TPD52: variants seen among roughly 807,000 people sequenced by gnomAD.
The protein encoded by TPD52 is prostate and colon associated protein.
A neutral mutation model predicts 31.3 loss-of-function variants in TPD52; 17 were observed. The observed-to-expected ratio is 0.54, with a 90% CI of 0.37 to 0.82. TPD52 has a LOEUF of 0.82. Ranked by LOEUF, TPD52 falls within the 40% of genes least tolerant of loss-of-function variation. The pLI, the probability that TPD52 is intolerant of heterozygous loss-of-function variation, is 0.00. For synonymous variants in TPD52, 83 were observed against 89.6 expected (o/e 0.93, Z 0.42); for missense variants, 212 against 240.1 (o/e 0.88, Z 0.77).
chr8:80,119,915 A>G (rs1223330044), intron 1 of TPD52: 1 of 366,442 alleles, frequency 2.7e-6, no homozygotes, highest in Non-Finnish European at 5.3e-6. Context: ...AAATATACAC[A>G]ATTAAAATGT....
chr8:80,077,082 C>T (rs910377717), intron 1 of TPD52, among the ~76,000 whole-genome samples: 2 of 151,974 alleles, frequency 1.3e-5, no homozygotes, highest in African/African-American at 4.8e-5. Flanking sequence ...CAAGACCAGC[C>T]TCGCCAATAT....
chr8:80,131,856 A>G (rs971390880), intron 1 of TPD52, among the ~76,000 whole-genome samples: 9 of 152,158 alleles, frequency 5.9e-5, no homozygotes, highest in African/African-American at 1.9e-4. Context: ...CAGATTTTCT[A>G]TGAAGACGCA....
At chr8:80,080,331 A>C in intron 1 of TPD52, 1 of 1,614,142 alleles carries the variant, frequency 6.2e-7, no homozygotes, top group Non-Finnish European at 8.5e-7. Context: ...TCTGAAGAGT[A>C]GGTGATCCGG....
chr8:80,037,896 C>T lies in TPD52; in HGVS notation c.*220G>A. ...TATAAGTGTTTTTATAATGGTGTTT[C>T]CTAAATAAAGGAACATAAATGTACA... On this transcript the variant is annotated 3_prime_UTR_variant, in exon 8 of 8. Transcript: ENST00000518937. 3 of 470,746 alleles carry T rather than the reference C, an allele frequency of 6.4e-6. No homozygotes were observed. The Admixed American group carries it at 1.1e-4, about 17-fold the overall frequency. 29.2% of individuals were successfully genotyped at this position (470,746 alleles called of 1,614,324 possible).
intron 1 of TPD52, among the ~76,000 whole-genome samples, chr8:80,158,049 T>A (rs1811090995): frequency 6.6e-6 from 1 of 152,186 alleles, no homozygotes; most frequent in South Asian, 2.1e-4. Flanking sequence ...AAAAACGACA[T>A]TCAAATTTAA....
downstream of TPD52, among the ~76,000 whole-genome samples, chr8:80,032,194 A>G (rs182134693): frequency 1.3e-4 from 20 of 151,872 alleles, no homozygotes; most frequent in Admixed American, 3.9e-4. Flanking sequence ...GTTTGTATCA[A>G]ATGACTTCAA....
chr8:80,088,855 A>C, intron 1 of TPD52, among the ~76,000 whole-genome samples: 1 of 152,174 alleles, frequency 6.6e-6, no homozygotes, highest in Non-Finnish European at 1.5e-5. Context: ...CAGGGAGGAC[A>C]TAGCTAATTT....
intron 1 of TPD52, among the ~76,000 whole-genome samples, chr8:80,115,570 C>T (rs1272416652): frequency 6.6e-6 from 1 of 152,160 alleles, no homozygotes; most frequent in Non-Finnish European, 1.5e-5. Context: ...TCTGAACAGC[C>T]AACTACTAGA....
chr8:80,079,724 G>C (rs996846504), intron 1 of TPD52, among the ~76,000 whole-genome samples: 2 of 152,154 alleles, frequency 1.3e-5, no homozygotes, highest in African/African-American at 4.8e-5. Flanking sequence ...ATAAAGGAAG[G>C]GCCTCCCTGA....
At chr8:80,107,706 T>C (rs1277556068) in intron 1 of TPD52, among the ~76,000 whole-genome samples, 1 of 152,190 alleles carries the variant, frequency 6.6e-6, no homozygotes, top group Non-Finnish European at 1.5e-5. Context: ...TGCATGTAAA[T>C]TATTTCTAAA....
chr8:80,065,287 A>G (rs918177401), intron 1 of TPD52, among the ~76,000 whole-genome samples: 1 of 117,132 alleles, frequency 8.5e-6, no homozygotes, highest in Non-Finnish European at 1.8e-5. Flanking sequence ...ATATCTATAT[A>G]TCTATATCTA....
In TPD52 at chr8:80,036,423, C is replaced by T. The variant is rs1313239777; in HGVS notation, c.*1693G>A. ...TCCTCTGAGAAAATGCTTCAACAGC[C>T]TGTGCCTTAAAGCCCTTATTTAGAA... On this transcript the variant is annotated 3_prime_UTR_variant, in exon 8 of 8. Transcript: ENST00000518937. 6.6e-6 allele frequency: 1 copy of T among 152,522 alleles called. No homozygotes were observed. The highest frequency in any genetic ancestry group is 2.4e-5 in the African/African-American group (1 of 41,398). 9.4% of individuals were successfully genotyped at this position (152,522 alleles called of 1,614,324 possible).
intron 1 of TPD52, among the ~76,000 whole-genome samples, chr8:80,097,283 T>C (rs1437147725): frequency 6.6e-6 from 1 of 152,162 alleles, no homozygotes; most frequent in Non-Finnish European, 1.5e-5. Context: ...AAAGAAGCCA[T>C]CTCCATAACA....
intron 5 of TPD52, among the ~76,000 whole-genome samples, chr8:80,047,529 C>T (rs1012403676): frequency 2.0e-5 from 3 of 152,054 alleles, no homozygotes; most frequent in African/African-American, 7.2e-5. Flanking sequence ...TAGCTCCACC[C>T]CTATAGTCTA....
chr8:80,166,485 G>A (rs528069528), intron 1 of TPD52, among the ~76,000 whole-genome samples: 1 of 151,612 alleles, frequency 6.6e-6, no homozygotes, highest in Admixed American at 6.6e-5. Context: ...GCCCGCCTTG[G>A]CCTCCCAAAG....
chr8:80,108,713 A>G (rs1807299148), intron 1 of TPD52, among the ~76,000 whole-genome samples: 1 of 135,746 alleles, frequency 7.4e-6, no homozygotes, highest in Admixed American at 7.9e-5. Context: ...CTATCCCGAG[A>G]TCATGCAGAA....
At chr8:80,038,483 C>G (rs972549430) in intron 7 of TPD52, among the ~76,000 whole-genome samples, 3 of 152,124 alleles carry the variant, frequency 2.0e-5, no homozygotes, top group African/African-American at 7.2e-5. Flanking sequence ...TCCCCCTGCT[C>G]CTTGTTCTTC....
Position 80,110,825 on chromosome 8 carries a change from T to G in TPD52, c.20-46232A>C, listed in dbSNP as rs114109818. Among the ~76,000 whole-genome samples the G allele has an allele frequency of 2.6e-4, 40 of 152,316 alleles. 1 individual carries two copies. Among genetic ancestry groups the G allele is most frequent in the African/African-American group, 9.1e-4 (38 of 41,568 alleles). On this transcript the variant is annotated intron_variant, in intron 1 of 7. Coordinates refer to ENST00000518937, the MANE Select transcript of TPD52 (RefSeq NM_001025253.3). Reference sequence around the variant, plus strand: ...TTATTTGTCTTGCTTCTGCAAATACTTTATAAAAGCTTCCCCTCTTGCCCC... The same window carrying G: ...TTATTTGTCTTGCTTCTGCAAATACGTTATAAAAGCTTCCCCTCTTGCCCC...
chr8:80,052,498 T>C, intron 3 of TPD52: 2 of 538,428 alleles, frequency 3.7e-6, no homozygotes, highest in South Asian at 4.4e-5. Flanking sequence ...ACTGCCAACT[T>C]AGATGGGTAG....
Sources: allele counts gnomAD v4.1 joint callset (sites outside exome capture counted in the v4.1 genomes callset), GRCh38; gene constraint gnomAD v4.1.1; transcripts MANE v1.5; gene names NCBI Gene and HGNC (gene_info 2026-07-23, HGNC 2026-07-21).